The following CSF2RB variants were observed in gnomAD, a reference collection of about 807,000 sequenced individuals.
The protein encoded by CSF2RB is colony stimulating factor 2 receptor subunit beta, also known as cytokine receptor common subunit beta.
Under a neutral mutation model 67.2 loss-of-function variants are expected in CSF2RB, and 22 were observed. The observed-to-expected ratio is 0.33, with a 90% CI of 0.23 to 0.47. The LOEUF (loss-of-function observed/expected upper bound fraction) is 0.47. CSF2RB is among the 20% of genes least tolerant of loss of function. CSF2RB has a pLI of 1.00. For missense variants in CSF2RB, 1,113 were observed against 1,174.5 expected, an observed-to-expected ratio of 0.95 and a Z score of 0.76; for synonymous variants, 507 against 482.9, an observed-to-expected ratio of 1.05 and a Z score of -0.65.
Position 36,935,402 on chromosome 22 carries a change from T to A in CSF2RB, c.1367T>A (p.Val456Glu). 6.2e-7 allele frequency: 1 copy of A among 1,614,188 alleles called. No homozygotes were observed. The highest frequency in any genetic ancestry group is 1.1e-5 in the South Asian group (1 of 91,084). Residue 456 changes from valine to glutamate, a missense_variant, in exon 11 of 14, where the codon GTG becomes GAG. Physicochemically the swap from Val to Glu is moderately radical, Grantham distance 121 (BLOSUM62 -2). Coordinates refer to ENST00000403662, the MANE Select transcript of CSF2RB (RefSeq NM_000395.3). ...ALIVIFLTIA[V>E]LLALRFCGIY... ...ATCGTGATCTTCCTCACCATCGCTG[T>A]GCTCCTGGCCCTCCGCTTCTGTGGC...
rs753964921 is a variant in CSF2RB at position 36,937,283 on chromosome 22, A to G, written c.1569-94A>G. The stretch of plus-strand genomic sequence containing the variant: ...AGATCTGGGGGACATCAGGGCTTCC[A>G]GAGAACCATCTCCACCCCACCAAGA... On this transcript the variant is annotated intron_variant, in intron 13 of 13. Transcript: ENST00000403662. This position sits in a 1 kb window ranked among gnomAD's most constrained non-coding sequence, Gnocchi z 4.6. 7 of 1,492,474 alleles carry G rather than the reference A, an allele frequency of 4.7e-6. No individual in the cohort carries two copies. The highest frequency in any genetic ancestry group is 6.4e-6 in the Non-Finnish European group (7 of 1,086,654). 92.5% of individuals were successfully genotyped at this position (1,492,474 alleles called of 1,614,324 possible). A position where few individuals can be genotyped will look rare whatever the true frequency, so the allele number is the denominator to read the frequency against.
At chr22:36,925,892 T>C in intron 3 of CSF2RB, 95 bp from the exon 4 acceptor site, 1 of 1,386,124 alleles carries the variant, frequency 7.2e-7, no homozygotes, top group Non-Finnish European at 1.0e-6. Context: ...CCCCTGATTC[T>C]GAACAGAGCC....
At chr22:36,914,231 G>C (rs931588949) in intron 1 of CSF2RB, among the ~76,000 whole-genome samples, 1 of 152,124 alleles carries the variant, frequency 6.6e-6, no homozygotes, top group African/African-American at 2.4e-5. Context: ...GATGTCTGGG[G>C]ATGCAGGAGT....
At chr22:36,923,633 T>C (rs1569132348) in intron 3 of CSF2RB, 2 of 909,668 alleles carry the variant, frequency 2.2e-6, no homozygotes, top group Admixed American at 6.2e-5. Context: ...GTGAAAATCT[T>C]CTCTTGTTTC....
At chr22:36,927,099 G>A (rs1031554772) in intron 4 of CSF2RB, among the ~76,000 whole-genome samples, 3 of 152,198 alleles carry the variant, frequency 2.0e-5, no homozygotes, top group Non-Finnish European at 2.9e-5. Context: ...CCTAACCACC[G>A]AACCACCTGG....
intron 4 of CSF2RB, among the ~76,000 whole-genome samples, chr22:36,929,071 C>T (rs1399339325): frequency 1.3e-5 from 2 of 152,192 alleles, no homozygotes; most frequent in Non-Finnish European, 2.9e-5. Context: ...GGCCCCTCTG[C>T]TAGCAGGAGC....
Position 36,940,168 on chromosome 22 carries a change from A to G in CSF2RB, c.*1666A>G, listed in dbSNP as rs894019133. The stretch of plus-strand genomic sequence containing the variant: ...TGTTCTACTTTTATGATATGTTTTC[A>G]TAAGTGGTTAAGCAAGTATTCTCGT... On this transcript the variant is annotated 3_prime_UTR_variant, in exon 14 of 14. Coordinates refer to ENST00000403662, the MANE Select transcript of CSF2RB (RefSeq NM_000395.3). The G allele has an allele frequency of 2.0e-5, 3 of 152,178 alleles. No individual in the cohort carries two copies. The highest frequency in any genetic ancestry group is 7.2e-5 in the African/African-American group (3 of 41,436). The allele number at this position is 152,178 out of a possible 1,614,324, so 9.4% of individuals were successfully genotyped here. A position where few individuals can be genotyped will look rare whatever the true frequency, so the allele number is the denominator to read the frequency against.
chr22:36,923,968 G>A (rs55731492), intron 3 of CSF2RB, among the ~76,000 whole-genome samples: 2 of 152,074 alleles, frequency 1.3e-5, no homozygotes, highest in African/African-American at 4.8e-5. Context: ...GTGCCACAAG[G>A]GAAGGGGACC....
intron 1 of CSF2RB, among the ~76,000 whole-genome samples, chr22:36,921,773 G>A (rs766516258): frequency 2.6e-5 from 4 of 152,178 alleles, no homozygotes. Context: ...AGCAGCCCAC[G>A]GGGAGCTTAG....
In CSF2RB at chr22:36,938,951, G is replaced by A. The variant is rs539396502; in HGVS notation, c.*449G>A. On this transcript the variant is annotated 3_prime_UTR_variant, in exon 14 of 14. Coordinates refer to ENST00000403662, the MANE Select transcript of CSF2RB (RefSeq NM_000395.3). ...GGACTTGTGTGGGCTGCCTGTCCCC[G>A]GCAGTCGCTGATGCACATGACATGA... The A allele has an allele frequency of 3.0e-5, 18 of 599,780 alleles. No homozygotes were observed. Among genetic ancestry groups the A allele is most frequent in the Admixed American group, 1.2e-4 (4 of 34,482 alleles). The allele number at this position is 599,780 out of a possible 1,614,324, so 37.2% of individuals were successfully genotyped here. A position where few individuals can be genotyped will look rare whatever the true frequency, so the allele number is the denominator to read the frequency against.
chr22:36,938,864 T>C lies in CSF2RB; in HGVS notation c.*362T>C. 3.7e-6 allele frequency: 2 copies of C among 539,688 alleles called. No individual in the cohort carries two copies. Among genetic ancestry groups the C allele is most frequent in the East Asian group, 5.8e-5 (2 of 34,434 alleles). 33.4% of individuals were successfully genotyped at this position (539,688 alleles called of 1,614,324 possible). ...TCCTTCTTTTTTCACTGATTTATTA[T>C]GAGAGTGGGGCTGAGGTCTGAGCTG... On this transcript the variant is annotated 3_prime_UTR_variant, in exon 14 of 14. Transcript: ENST00000403662.
At chr22:36,913,814 G>C (rs1940648873) in intron 1 of CSF2RB, 137 bp downstream of exon 1, 1 of 152,650 alleles carries the variant, frequency 6.6e-6, no homozygotes, top group African/African-American at 2.4e-5. Flanking sequence ...ACTTGGAGGA[G>C]TTAGGGCTTG....
At position 36,922,241 on chromosome 22, in the gene CSF2RB, C is replaced by T. The variant is rs1233629868; in HGVS notation, c.34C>T (p.Leu12=). The T allele has an allele frequency of 6.3e-7, 1 of 1,589,358 alleles. No individual in the cohort carries two copies. Among genetic ancestry groups the T allele is most frequent in the Non-Finnish European group, 8.6e-7 (1 of 1,168,578 alleles). ...GGCCCAGGGGCTGCTCTCCATGGCC[C>T]TGCTGGCCCTGTGCTGGGAGCGCAG... The part of the protein sequence containing the change: ...VLAQGLLSMA[L]LALCWERSLA... The change falls in exon 2 of 14, where the codon CTG becomes TTG. Residue 12 remains leucine (L), a synonymous_variant. Transcript: ENST00000403662.
chr22:36,916,914 T>A (rs558658141), intron 1 of CSF2RB, among the ~76,000 whole-genome samples: 1 of 152,298 alleles, frequency 6.6e-6, no homozygotes, highest in South Asian at 2.1e-4. Flanking sequence ...TTTGGAATTT[T>A]CATGTTGATT....
At chr22:36,932,268 C>T (rs1483118568) in intron 8 of CSF2RB, among the ~76,000 whole-genome samples, 1 of 152,078 alleles carries the variant, frequency 6.6e-6, no homozygotes, top group African/African-American at 2.4e-5. Context: ...AACCCCGTCT[C>T]CACTGAAAAT....
At chr22:36,924,514 C>T (rs925921066) in intron 3 of CSF2RB, among the ~76,000 whole-genome samples, 11 of 152,184 alleles carry the variant, frequency 7.2e-5, no homozygotes, top group African/African-American at 2.4e-4. Flanking sequence ...CCTGGCAACC[C>T]TGCGGCCCCT....
chr22:36,926,554 G>T (rs1941021585), intron 4 of CSF2RB, among the ~76,000 whole-genome samples: 1 of 152,204 alleles, frequency 6.6e-6, no homozygotes, highest in African/African-American at 2.4e-5. Flanking sequence ...GGCCCAGGAG[G>T]TCAGATGCCT....
chr22:36,930,682 G>A lies in CSF2RB; in HGVS notation c.864G>A (p.Glu288=). 6.2e-7 allele frequency: 1 copy of A among 1,612,680 alleles called. No individual in the cohort carries two copies. The highest frequency in any genetic ancestry group is 8.5e-7 in the Non-Finnish European group (1 of 1,180,018). Residue 288 remains glutamate, a synonymous_variant, in exon 8 of 14, where the codon GAG becomes GAA. Coordinates refer to ENST00000403662, the MANE Select transcript of CSF2RB (RefSeq NM_000395.3). ...YKPSPDAGEE[E]CSPVLREGLG... ...CTGCTGTGCTCCTCAGGGAGGAAGA[G>A]TGCTCCCCAGTGCTGAGGGAGGGGC... is the stretch of plus-strand genomic sequence containing the variant.
chr22:36,922,533 C>A, intron 2 of CSF2RB: 1 of 586,360 alleles, frequency 1.7e-6, no homozygotes. Flanking sequence ...GCGGCACTCC[C>A]GGCCCCTAGG....
Sources: gnomAD v4.1 joint callset for allele counts (sites outside exome capture counted in the v4.1 genomes callset) on GRCh38, gnomAD v4.1.1 for gene constraint, Gnocchi (gnomAD v3.1) non-coding constraint, MANE v1.5 for transcripts, NCBI Gene and HGNC (gene_info 2026-07-23, HGNC 2026-07-21) for gene names.